The following ADARB2 variants were observed in gnomAD, a reference collection of about 807,000 sequenced individuals.
ADARB2 encodes adenosine deaminase RNA specific B2 (inactive), also known as inactive double-stranded RNA-specific editase B2.
Under a neutral mutation model 62.2 loss-of-function variants are expected in ADARB2, and 25 were observed. That is an observed-to-expected ratio of 0.40 (90% confidence interval 0.29 to 0.56). The LOEUF (loss-of-function observed/expected upper bound fraction) is 0.56, where lower values mean the gene tolerates loss of function less well. Among genes scored for constraint, ADARB2 ranks in the 20% least tolerant of loss-of-function variants. The pLI is 0.43. For synonymous variants in ADARB2, 572 were observed against 500.8 expected, an observed-to-expected ratio of 1.14 and a Z score of -1.90; for missense variants, 1,071 against 1,077.4, an observed-to-expected ratio of 0.99 and a Z score of 0.08.
Position 1,737,229 on chromosome 10 carries a change from C to G in ADARB2, c.-79G>C. The stretch of plus-strand genomic sequence containing the variant: ...GCCTCCTTCCCGGCAGCCGCCGCCG[C>G]CGCTGCTGCGAAGCTTGAGGTTGCA... On this transcript the variant is annotated 5_prime_UTR_variant, in exon 1 of 10. Coordinates refer to ENST00000381312, the MANE Select transcript of ADARB2 (RefSeq NM_018702.4). 6.7e-7 allele frequency: 1 copy of G among 1,485,226 alleles called. No individual in the cohort carries two copies. The highest frequency in any genetic ancestry group is 9.3e-7 in the Non-Finnish European group (1 of 1,079,472). 92.0% of individuals were successfully genotyped at this position (1,485,226 alleles called of 1,614,324 possible).
intron 1 of ADARB2, among the ~76,000 whole-genome samples, chr10:1,442,860 G>A (rs1830922209): frequency 6.6e-6 from 1 of 152,124 alleles, no homozygotes; most frequent in South Asian, 2.1e-4. Flanking sequence ...ATGACCACCT[G>A]AGCTGAATGG....
chr10:1,452,617 TG>T lies in ADARB2; in HGVS notation c.101-73458del, dbSNP rs529884307. 9.6e-3 allele frequency among the ~76,000 whole-genome samples: 199 copies of T among 20,658 alleles called. 1 individual carries two copies. Among genetic ancestry groups the T allele is most frequent in the South Asian group, 0.079 (79 of 1,000 alleles). 13.6% of individuals were successfully genotyped at this position (20,658 alleles called of 152,430 possible). ...AATGAGAACTCATGGACACGGGGGT[TG>T]GGGGGGGGAATATCACACACTGGGG... On this transcript the variant is annotated intron_variant, in intron 1 of 9. Coordinates refer to ENST00000381312, the MANE Select transcript of ADARB2 (RefSeq NM_018702.4).
chr10:1,703,121 C>T (rs769894541), intron 1 of ADARB2, among the ~76,000 whole-genome samples: 5 of 152,096 alleles, frequency 3.3e-5, no homozygotes, highest in East Asian at 1.9e-4. Context: ...CATGTAAGCA[C>T]GTGCTACACC....
chr10:1,552,470 C>T (rs926177280), intron 1 of ADARB2, among the ~76,000 whole-genome samples: 1 of 152,232 alleles, frequency 6.6e-6, no homozygotes, highest in Non-Finnish European at 1.5e-5. Flanking sequence ...TGTGTTCACC[C>T]CACAGTGGCT....
At chr10:1,584,800 C>T (rs1429544739) in intron 1 of ADARB2, among the ~76,000 whole-genome samples, 1 of 152,130 alleles carries the variant, frequency 6.6e-6, no homozygotes, top group African/African-American at 2.4e-5. Flanking sequence ...CACAAAAAGA[C>T]ACGGGGGAAA....
Position 1,471,062 on chromosome 10 carries a change from A to T in ADARB2, c.101-91902T>A, listed in dbSNP as rs533985773. 7.2e-4 allele frequency among the ~76,000 whole-genome samples: 109 copies of T among 152,318 alleles called. 1 individual carries two copies. The highest frequency in any genetic ancestry group is 2.6e-3 in the African/African-American group (106 of 41,562). ...CAACAGAGTGAGACTCCGTCTAAAA[A>T]AAACAAAAACAAACCCAAAAAACAC... is the stretch of plus-strand genomic sequence containing the variant. On this transcript the variant is annotated intron_variant, in intron 1 of 9. Transcript: ENST00000381312.
chr10:1,445,100 T>C (rs1393025048), intron 1 of ADARB2, among the ~76,000 whole-genome samples: 3 of 149,060 alleles, frequency 2.0e-5, no homozygotes, highest in African/African-American at 5.0e-5. Context: ...CACCCACCCA[T>C]CTATCCATCC....
chr10:1,379,191 T>A (rs1281690900), intron 1 of ADARB2, 31 bp from the exon 2 acceptor site: 1 of 1,551,442 alleles, frequency 6.4e-7, no homozygotes, highest in Non-Finnish European at 8.9e-7. Context: ...AATGCACTTT[T>A]GACATGGAGT....
rs764585306 is a variant in ADARB2, at chr10:1,737,192, G to A, written c.-42C>T. 4.4e-6 allele frequency: 7 copies of A among 1,581,972 alleles called. No homozygotes were observed. The highest frequency in any genetic ancestry group is 6.0e-6 in the Non-Finnish European group (7 of 1,164,424). On this transcript the variant is annotated 5_prime_UTR_variant, in exon 1 of 10. Coordinates refer to ENST00000381312, the MANE Select transcript of ADARB2 (RefSeq NM_018702.4). ...CGGAGCCCAGAGCCGCCTCCCTCCT[G>A]CACCTGCACCTGCCTCCTTCCCGGC... is the stretch of plus-strand genomic sequence containing the variant.
At position 1,707,176 on chromosome 10, in the gene ADARB2, G is replaced by C. The variant is rs369145675; in HGVS notation, c.100+29875C>G. On this transcript the variant is annotated intron_variant, in intron 1 of 9. Coordinates refer to ENST00000381312, the MANE Select transcript of ADARB2 (RefSeq NM_018702.4). ...GGTGCTTCCTTCACGCGGTGTCCCG[G>C]ATTCCTGCACCGGCGCACAGCTCAG... Among the ~76,000 whole-genome samples the C allele has an allele frequency of 2.0e-4, 30 of 152,300 alleles. 1 individual carries two copies. In the South Asian group the frequency reaches 6.2e-3, roughly 32 times the overall value.
intron 1 of ADARB2, among the ~76,000 whole-genome samples, chr10:1,649,643 C>G (rs1162823843): frequency 3.9e-5 from 6 of 152,198 alleles, no homozygotes; most frequent in African/African-American, 1.4e-4. Flanking sequence ...GCCAGATTAC[C>G]AGATGTGCCA....
intron 4 of ADARB2, among the ~76,000 whole-genome samples, chr10:1,268,281 A>G (rs923183454): frequency 9.2e-5 from 14 of 152,284 alleles, no homozygotes; most frequent in African/African-American, 3.1e-4. Context: ...TGAGGGGTGG[A>G]GTGGGAGAAT....
At chr10:1,714,302 G>C (rs10508216) in intron 1 of ADARB2, among the ~76,000 whole-genome samples, 15,645 of 152,208 alleles carry the variant, frequency 0.1, 963 homozygotes, top group Admixed American at 0.2. Context: ...TCTAGAACCG[G>C]CATGAGGACC....
intron 1 of ADARB2, among the ~76,000 whole-genome samples, chr10:1,474,614 G>A (rs1031758179): frequency 2.0e-5 from 3 of 152,180 alleles, no homozygotes; most frequent in Non-Finnish European, 2.9e-5. Flanking sequence ...CAAGCACCTG[G>A]GAGAGGCTCT....
At position 1,384,655 on chromosome 10, in the gene ADARB2, C is replaced by T. The variant is rs73576673; in HGVS notation, c.101-5495G>A. Reference sequence around the variant, plus strand: ...GTGCACCCCACAGCTCCACAACTTCCCACCTGGAAGCTCTTTTCAGCAGTA... The same window carrying T: ...GTGCACCCCACAGCTCCACAACTTCTCACCTGGAAGCTCTTTTCAGCAGTA... On this transcript the variant is annotated intron_variant, in intron 1 of 9. Transcript: ENST00000381312. Among the ~76,000 whole-genome samples the T allele has an allele frequency of 7.5e-3, 1,147 of 152,302 alleles. 17 individuals carry two copies. Among genetic ancestry groups the T allele is most frequent in the African/African-American group, 0.026 (1,063 of 41,564 alleles).
At chr10:1,284,175 G>T (rs1013317896) in intron 3 of ADARB2, among the ~76,000 whole-genome samples, 1 of 152,166 alleles carries the variant, frequency 6.6e-6, no homozygotes, top group African/African-American at 2.4e-5. Context: ...ACAGAAACAG[G>T]CAGAGATCGC....
intron 3 of ADARB2, among the ~76,000 whole-genome samples, chr10:1,355,959 A>T (rs1247668983): frequency 2.0e-5 from 3 of 147,224 alleles, no homozygotes; most frequent in African/African-American, 7.3e-5. Flanking sequence ...ATAGTGTATA[A>T]ATGTATATCA....
At chr10:1,231,099 G>T (rs889585654) in intron 6 of ADARB2, among the ~76,000 whole-genome samples, 2 of 152,034 alleles carry the variant, frequency 1.3e-5, no homozygotes, top group African/African-American at 4.8e-5. Flanking sequence ...CTGTCCCCTG[G>T]GGAGACCACG....
At chr10:1,599,486 G>T (rs1284876331) in intron 1 of ADARB2, among the ~76,000 whole-genome samples, 4 of 152,184 alleles carry the variant, frequency 2.6e-5, no homozygotes, top group African/African-American at 7.2e-5. Context: ...ATGATCCTGT[G>T]TACAGGGAAG....
Sources: gnomAD v4.1 joint callset for allele counts (sites outside exome capture counted in the v4.1 genomes callset) on GRCh38, gnomAD v4.1.1 for gene constraint, MANE v1.5 for transcripts, NCBI Gene and HGNC (gene_info 2026-07-23, HGNC 2026-07-21) for gene names.